The following DOK6 variants were observed in gnomAD, a reference collection of about 807,000 sequenced individuals.
The protein encoded by DOK6 is docking protein 6, also known as downstream of tyrosine kinase 6.
Under a neutral mutation model 44.0 loss-of-function variants are expected in DOK6, and 22 were observed. The observed-to-expected ratio is 0.50, with a 90% CI of 0.36 to 0.71. The LOEUF is 0.71. Among genes scored for constraint, DOK6 ranks in the 30% least tolerant of loss-of-function variants. DOK6 has a pLI of 0.00. For missense variants in DOK6, 340 were observed against 416.4 expected (o/e 0.82, Z 1.60); for synonymous variants, 166 against 145.5 (o/e 1.14, Z -1.01).
chr18:69,587,125 CTG>C (rs1385104400), intron 2 of DOK6, among the ~76,000 whole-genome samples: 2 of 152,128 alleles, frequency 1.3e-5, no homozygotes, highest in African/African-American at 4.8e-5. Context: ...TTCTCATAAT[CTG>C]TGTCATTGTA....
At chr18:69,735,106 C>T (rs1978559931) in intron 5 of DOK6, among the ~76,000 whole-genome samples, 1 of 152,120 alleles carries the variant, frequency 6.6e-6, no homozygotes, top group South Asian at 2.1e-4. Flanking sequence ...CCACATGATC[C>T]CTGGTTATTT....
chr18:69,547,309 C>T (rs1352690649), intron 1 of DOK6, among the ~76,000 whole-genome samples: 2 of 151,428 alleles, frequency 1.3e-5, no homozygotes, highest in African/African-American at 4.8e-5. Context: ...CCATGTTGGC[C>T]AGACTGGTCT....
chr18:69,549,857 G>A (rs1982513685), intron 1 of DOK6, among the ~76,000 whole-genome samples: 1 of 136,320 alleles, frequency 7.3e-6, no homozygotes, highest in African/African-American at 2.7e-5. Flanking sequence ...GAAAACGTGG[G>A]GAAGAGTTTT....
At chr18:69,512,241 A>G (rs2144557158) in intron 1 of DOK6, among the ~76,000 whole-genome samples, 1 of 151,988 alleles carries the variant, frequency 6.6e-6, no homozygotes, top group East Asian at 1.9e-4. Context: ...AGCCTTGTCA[A>G]TCAATGCAAT....
intron 7 of DOK6, among the ~76,000 whole-genome samples, chr18:69,802,653 A>G (rs1192070324): frequency 4.6e-5 from 7 of 152,096 alleles, no homozygotes; most frequent in African/African-American, 1.7e-4. Flanking sequence ...ACACGAAATC[A>G]GGTTATTTAA....
At chr18:69,452,190 A>G (rs1214583027) in intron 1 of DOK6, among the ~76,000 whole-genome samples, 1 of 151,360 alleles carries the variant, frequency 6.6e-6, no homozygotes, top group Non-Finnish European at 1.5e-5. Context: ...AAAAAAAGAG[A>G]GAAGAATCAA....
intron 3 of DOK6, among the ~76,000 whole-genome samples, chr18:69,631,775 GACATGTGT>G (rs1365677780): frequency 6.6e-6 from 1 of 152,138 alleles, no homozygotes; most frequent in Non-Finnish European, 1.5e-5. Flanking sequence ...CTAACAAATG[GACATGTGT>G]ACATCCATTA....
intron 1 of DOK6, among the ~76,000 whole-genome samples, chr18:69,407,829 G>C (rs891615512): frequency 6.6e-6 from 1 of 152,068 alleles, no homozygotes; most frequent in African/African-American, 2.4e-5. Flanking sequence ...AATAATTCTT[G>C]GTTAATTTTT....
rs573191507 is a variant in DOK6 at position 69,478,949 on chromosome 18, G to A, written c.66+77639G>A. 2.6e-5 allele frequency among the ~76,000 whole-genome samples: 4 copies of A among 152,242 alleles called. No individual in the cohort carries two copies. The South Asian group carries it at 8.3e-4, about 32-fold the overall frequency. ...AAAAAGACCACCAGATTGTAGTATAGATTTCAATTAACATAAATTAAGACA... is the reference window on the plus strand; with the variant it reads ...AAAAAGACCACCAGATTGTAGTATAAATTTCAATTAACATAAATTAAGACA... On this transcript the variant is annotated intron_variant, in intron 1 of 7. Coordinates refer to ENST00000382713, the MANE Select transcript of DOK6 (RefSeq NM_152721.6).
chr18:69,496,534 A>T (rs966767951), intron 1 of DOK6, among the ~76,000 whole-genome samples: 1 of 152,228 alleles, frequency 6.6e-6, no homozygotes, highest in Non-Finnish European at 1.5e-5. Context: ...TAAATTTCAC[A>T]CAGTTCCCCA....
chr18:69,592,000 T>C (rs1034376178), intron 2 of DOK6, among the ~76,000 whole-genome samples: 1 of 152,090 alleles, frequency 6.6e-6, no homozygotes, highest in South Asian at 2.1e-4. Context: ...ATTTGAGTTT[T>C]GGAAAAATGC....
At chr18:69,777,733 G>C (rs914252658) in intron 7 of DOK6, among the ~76,000 whole-genome samples, 1 of 136,158 alleles carries the variant, frequency 7.3e-6, no homozygotes, top group Non-Finnish European at 1.5e-5. Flanking sequence ...GTCTAGACAG[G>C]ACTGTCCCCT....
At chr18:69,411,264 T>A (rs996678986) in intron 1 of DOK6, among the ~76,000 whole-genome samples, 4 of 152,156 alleles carry the variant, frequency 2.6e-5, no homozygotes, top group Non-Finnish European at 2.9e-5. Flanking sequence ...AGAATAAGGG[T>A]GCTTGTAGTG....
At chr18:69,837,820 T>C (rs923721353) in intron 7 of DOK6, among the ~76,000 whole-genome samples, 1 of 152,180 alleles carries the variant, frequency 6.6e-6, no homozygotes, top group African/African-American at 2.4e-5. Flanking sequence ...GAGGAAGTTA[T>C]TTGTGATTAT....
chr18:69,456,808 A>G (rs1286407054), intron 1 of DOK6, among the ~76,000 whole-genome samples: 2 of 152,150 alleles, frequency 1.3e-5, no homozygotes, highest in Non-Finnish European at 2.9e-5. Flanking sequence ...TCTTGCCAGT[A>G]TCCATTGTTT....
At chr18:69,795,035 C>T (rs1980704605) in intron 7 of DOK6, among the ~76,000 whole-genome samples, 1 of 152,024 alleles carries the variant, frequency 6.6e-6, no homozygotes, top group Non-Finnish European at 1.5e-5. Context: ...AGATAAAGTG[C>T]AAAATAAATG....
intron 7 of DOK6, among the ~76,000 whole-genome samples, chr18:69,837,382 G>A (rs996468394): frequency 6.6e-6 from 1 of 152,000 alleles, no homozygotes; most frequent in African/African-American, 2.4e-5. Context: ...CCACTTCGGT[G>A]GCAATGAAAT....
intron 1 of DOK6, among the ~76,000 whole-genome samples, chr18:69,508,239 A>G (rs1981250646): frequency 6.6e-6 from 1 of 152,166 alleles, no homozygotes; most frequent in African/African-American, 2.4e-5. Flanking sequence ...TGCATTTTGT[A>G]TGTTGTTGGT....
chr18:69,704,087 A>G (rs1039057508), intron 5 of DOK6, among the ~76,000 whole-genome samples: 1 of 152,124 alleles, frequency 6.6e-6, no homozygotes, highest in Non-Finnish European at 1.5e-5. Context: ...GAGAAAATTA[A>G]TTTCCGTTGT....
Sources: gnomAD v4.1 joint callset for allele counts (sites outside exome capture counted in the v4.1 genomes callset) on GRCh38, gnomAD v4.1.1 for gene constraint, MANE v1.5 for transcripts, NCBI Gene and HGNC (gene_info 2026-07-23, HGNC 2026-07-21) for gene names.